LRMDA: variants seen among roughly 807,000 people sequenced by gnomAD.
LRMDA encodes leucine rich melanocyte differentiation associated, also known as leucine-rich melanocyte differentiation-associated protein.
A neutral mutation model predicts 29.8 loss-of-function variants in LRMDA; 18 were observed. The observed-to-expected ratio is 0.60, with a 90% CI of 0.42 to 0.90. The LOEUF (loss-of-function observed/expected upper bound fraction) is 0.90, where lower values mean the gene tolerates loss of function less well. LRMDA is among the 40% of genes least tolerant of loss of function. The probability of loss-of-function intolerance (pLI) is 0.00; values close to 1 mark genes in which losing one functional copy is unlikely to be tolerated. For missense variants in LRMDA, 273 were observed against 273.9 expected, an observed-to-expected ratio of 1.00 and a Z score of 0.02; for synonymous variants, 125 against 109.4, an observed-to-expected ratio of 1.14 and a Z score of -0.89.
At position 76,409,085 on chromosome 10, in the gene LRMDA, C is replaced by T. The variant is rs373280051; in HGVS notation, c.601+84600C>T. On this transcript the variant is annotated intron_variant, in intron 6 of 6. Coordinates refer to ENST00000611255, the MANE Select transcript of LRMDA (RefSeq NM_001305581.2). ...GTTCAGTCTACTTTCTTTCAGTTTA[C>T]CACTTTGTGTCACTTGTCCAGGTGA... Among the ~76,000 whole-genome samples the T allele has an allele frequency of 4.5e-4, 68 of 152,290 alleles. 1 individual carries two copies. Among genetic ancestry groups the T allele is most frequent in the African/African-American group, 1.6e-3 (66 of 41,576 alleles).
chr10:76,035,792 A>T (rs983581760), intron 2 of LRMDA, among the ~76,000 whole-genome samples: 2 of 152,172 alleles, frequency 1.3e-5, no homozygotes, highest in Admixed American at 1.3e-4. Flanking sequence ...TCATGTTGGC[A>T]ATGCGTGAAG....
chr10:75,791,579 G>A (rs781769161), intron 2 of LRMDA, among the ~76,000 whole-genome samples: 2 of 152,174 alleles, frequency 1.3e-5, no homozygotes, highest in East Asian at 3.9e-4. Flanking sequence ...TTTCTCCACA[G>A]AAAAGTCAAA....
chr10:76,283,974 T>G (rs1413175040), intron 5 of LRMDA, among the ~76,000 whole-genome samples: 1 of 152,196 alleles, frequency 6.6e-6, no homozygotes, highest in African/African-American at 2.4e-5. Context: ...TTTCTTGTTT[T>G]ACTGCTGTTA....
At chr10:75,493,231 C>G (rs1396169956) in intron 2 of LRMDA, among the ~76,000 whole-genome samples, 1 of 152,034 alleles carries the variant, frequency 6.6e-6, no homozygotes, top group Non-Finnish European at 1.5e-5. Context: ...ATATGGCTTT[C>G]CCTTCCTGGA....
chr10:75,523,793 C>G (rs771196734), intron 2 of LRMDA, among the ~76,000 whole-genome samples: 50 of 152,176 alleles, frequency 3.3e-4, no homozygotes, highest in Non-Finnish European at 6.3e-4. Context: ...CCATCCTTCT[C>G]CCTTCTTCCC....
chr10:75,537,165 A>C (rs114837447), intron 2 of LRMDA, among the ~76,000 whole-genome samples: 16 of 152,062 alleles, frequency 1.1e-4, no homozygotes, highest in African/African-American at 3.9e-4. Context: ...CTTTGTGTTC[A>C]TTATTTTTGG....
rs34113053 is a variant in LRMDA at position 76,291,932 on chromosome 10, GCACA to G, written c.517-32450_517-32447del. ...CACGTGCACACACACACACACACGT[GCACA>G]CACACACACACACACACAAATTCTT... On this transcript the variant is annotated intron_variant, in intron 5 of 6. Transcript: ENST00000611255. 3.0e-3 allele frequency among the ~76,000 whole-genome samples: 444 copies of G among 148,544 alleles called. 2 individuals carry two copies. The highest frequency in any genetic ancestry group is 5.0e-3 in the Non-Finnish European group (337 of 67,162).
intron 5 of LRMDA, among the ~76,000 whole-genome samples, chr10:76,103,921 C>T (rs941097182): frequency 2.0e-5 from 3 of 151,776 alleles, no homozygotes; most frequent in African/African-American, 4.8e-5. Flanking sequence ...TGGTGGTGGG[C>T]GCCTGGAATC....
In LRMDA at chr10:76,058,666, A is replaced by G; in HGVS notation, c.399A>G (p.Arg133=). 1.2e-6 allele frequency: 2 copies of G among 1,611,802 alleles called. No homozygotes were observed. The highest frequency in any genetic ancestry group is 1.7e-6 in the Non-Finnish European group (2 of 1,177,878). Residue 133 remains arginine (R), a splice_region_variant and synonymous_variant, in exon 5 of 7, where the codon AGA becomes AGG. Coordinates refer to ENST00000611255, the MANE Select transcript of LRMDA (RefSeq NM_001305581.2). ...GTTGTCTCTGACTCTTATCTTCCAG[A>G]TGCTTTGTTCTGTACAAGCTGCCCA... ...EKDEEDYKRY[R]CFVLYKLPNL...
intron 2 of LRMDA, among the ~76,000 whole-genome samples, chr10:75,468,509 A>G (rs1029231814): frequency 6.6e-6 from 1 of 152,160 alleles, no homozygotes; most frequent in African/African-American, 2.4e-5. Context: ...ACACCTCAGC[A>G]GTAGACTCCC....
intron 5 of LRMDA, among the ~76,000 whole-genome samples, chr10:76,176,652 G>A (rs935345896): frequency 6.6e-6 from 1 of 152,164 alleles, no homozygotes; most frequent in Non-Finnish European, 1.5e-5. Flanking sequence ...AATTAGCCGG[G>A]TGTGGTGGCA....
intron 2 of LRMDA, among the ~76,000 whole-genome samples, chr10:75,778,252 A>G (rs1036122247): frequency 6.6e-6 from 1 of 151,874 alleles, no homozygotes; most frequent in Non-Finnish European, 1.5e-5. Flanking sequence ...TAATTTTTGT[A>G]TTTTTAGTAG....
At chr10:75,638,463 CTG>C (rs1370618968) in intron 2 of LRMDA, among the ~76,000 whole-genome samples, 2 of 152,210 alleles carry the variant, frequency 1.3e-5, no homozygotes, top group Non-Finnish European at 2.9e-5. Context: ...GGATGTGACA[CTG>C]TGTAATGACT....
chr10:76,128,578 A>G (rs1243410278), intron 5 of LRMDA, among the ~76,000 whole-genome samples: 1 of 152,206 alleles, frequency 6.6e-6, no homozygotes, highest in East Asian at 1.9e-4. Context: ...AAGTAAAGCC[A>G]TGCACTTGGC....
At chr10:76,151,994 TAATAAAATTTCTTAGAA>T (rs1221235064) in intron 5 of LRMDA, among the ~76,000 whole-genome samples, 2 of 152,224 alleles carry the variant, frequency 1.3e-5, no homozygotes, top group Non-Finnish European at 2.9e-5. Flanking sequence ...TTTACCCACA[TAATAAAATTTCTTAGAA>T]CCACATAATA....
At chr10:76,354,611 A>G (rs1474769456) in intron 6 of LRMDA, among the ~76,000 whole-genome samples, 2 of 152,180 alleles carry the variant, frequency 1.3e-5, no homozygotes, top group Admixed American at 6.5e-5. Flanking sequence ...TTAAAGGCCC[A>G]TGGCCCTGAT....
chr10:76,130,067 T>G (rs1255954462), intron 5 of LRMDA, among the ~76,000 whole-genome samples: 1 of 151,908 alleles, frequency 6.6e-6, no homozygotes, highest in Non-Finnish European at 1.5e-5. Context: ...TTAATAAATA[T>G]TAACTATTAA....
chr10:75,608,233 C>G (rs1254227689), intron 2 of LRMDA, among the ~76,000 whole-genome samples: 1 of 151,540 alleles, frequency 6.6e-6, no homozygotes, highest in Non-Finnish European at 1.5e-5. Flanking sequence ...ATAAACCAGA[C>G]TTAGAAGACT....
rs547697657 is a variant in LRMDA at position 75,861,378 on chromosome 10, A to G, written c.132-174630A>G. Among the ~76,000 whole-genome samples the G allele has an allele frequency of 7.2e-4, 109 of 152,288 alleles. No homozygotes were observed. The Middle Eastern group carries it at 0.01, about 14-fold the overall frequency. ...TAAAGTTGGTCCTTTGAAAGACTCAAATGGTCTGTTAAGTGTGAATAATGG... is the reference window on the plus strand; with the variant it reads ...TAAAGTTGGTCCTTTGAAAGACTCAGATGGTCTGTTAAGTGTGAATAATGG... On this transcript the variant is annotated intron_variant, in intron 2 of 6. Coordinates refer to ENST00000611255, the MANE Select transcript of LRMDA (RefSeq NM_001305581.2).
Sources: gnomAD v4.1 joint callset for allele counts (sites outside exome capture counted in the v4.1 genomes callset) on GRCh38, gnomAD v4.1.1 for gene constraint, MANE v1.5 for transcripts, NCBI Gene and HGNC (gene_info 2026-07-23, HGNC 2026-07-21) for gene names.